Variants in RANBP2 observed in about 807,000 individuals in gnomAD.
RANBP2 encodes the protein E3 SUMO-protein ligase RanBP2.
Under a neutral mutation model 303.6 loss-of-function variants are expected in RANBP2, and 57 were observed. The ratio of observed to expected loss-of-function variants is 0.19; its 90% CI spans 0.15 to 0.23. The LOEUF is 0.23. Ranked by LOEUF, RANBP2 falls within the 10% of genes least tolerant of loss-of-function variation. RANBP2 has a pLI of 1.00. For synonymous variants in RANBP2, 1,167 were observed against 1,301.5 expected, an observed-to-expected ratio of 0.90 and a Z score of 2.23; for missense variants, 3,138 against 3,780.8, an observed-to-expected ratio of 0.83 and a Z score of 4.46.
chr2:109,477,601 A>G, the RANBP2 span, among the ~76,000 whole-genome samples: 1 of 143,078 alleles, frequency 7.0e-6, no homozygotes, highest in African/African-American at 2.6e-5. Context: ...CTGTAACAAA[A>G]TGCCACAGAT....
chr2:109,449,540 G>C, the RANBP2 span: 2 of 1,578,466 alleles, frequency 1.3e-6, no homozygotes, highest in Admixed American at 3.7e-5. Flanking sequence ...GCTGCTTACT[G>C]TAACTTTTTG....
chr2:108,804,882 C>G, the RANBP2 span: 9 of 1,495,168 alleles, frequency 6.0e-6, no homozygotes, highest in East Asian at 2.0e-4. Flanking sequence ...TTTTTTTCTC[C>G]TCCTAGCAGC....
chr2:109,253,571 G>T, the RANBP2 span, among the ~76,000 whole-genome samples: 1 of 152,170 alleles, frequency 6.6e-6, no homozygotes, highest in Non-Finnish European at 1.5e-5. Context: ...CTAAGATGTT[G>T]AGGCAGCAAA....
At chr2:108,810,565 A>C in the RANBP2 span, among the ~76,000 whole-genome samples, 3 of 152,058 alleles carry the variant, frequency 2.0e-5, no homozygotes, top group Non-Finnish European at 2.9e-5. Context: ...TTGGTTTGCT[A>C]ATATTTTGTT....
At chr2:109,427,775 T>C in the RANBP2 span, among the ~76,000 whole-genome samples, 2 of 152,086 alleles carry the variant, frequency 1.3e-5, no homozygotes, top group Non-Finnish European at 2.9e-5. Flanking sequence ...TCCCAGGAAA[T>C]CAGAAGGCCC....
the RANBP2 span, among the ~76,000 whole-genome samples, chr2:109,673,202 G>A: frequency 1.3e-5 from 2 of 152,186 alleles, no homozygotes; most frequent in Non-Finnish European, 2.9e-5. Flanking sequence ...CTAACTCTAT[G>A]TGAACATGAA....
the RANBP2 span, among the ~76,000 whole-genome samples, chr2:109,337,322 G>T: frequency 6.6e-6 from 1 of 152,224 alleles, no homozygotes; most frequent in African/African-American, 2.4e-5. Context: ...TGGGTGCAGG[G>T]TGCATCGGGC....
At chr2:109,059,069 C>A in the RANBP2 span, among the ~76,000 whole-genome samples, 215 of 152,114 alleles carry the variant, frequency 1.4e-3, no homozygotes, top group African/African-American at 5.0e-3. Flanking sequence ...GGCTGACCTG[C>A]CACCTCCGGG....
chr2:109,245,968 C>G, the RANBP2 span, among the ~76,000 whole-genome samples: 1 of 152,194 alleles, frequency 6.6e-6, no homozygotes, highest in African/African-American at 2.4e-5. Context: ...ATGAAAGTCT[C>G]TAAGCTGGCT....
chr2:109,663,565 G>A, the RANBP2 span, among the ~76,000 whole-genome samples: 1 of 152,192 alleles, frequency 6.6e-6, no homozygotes, highest in Non-Finnish European at 1.5e-5. Flanking sequence ...AACTGAAAAG[G>A]AGATCATCAT....
At chr2:109,450,010 G>T in the RANBP2 span, among the ~76,000 whole-genome samples, 4 of 152,122 alleles carry the variant, frequency 2.6e-5, no homozygotes, top group Admixed American at 6.5e-5. Context: ...TGGCTGGTGT[G>T]TTTTTTAGCT....
At chr2:109,394,070 C>T in the RANBP2 span, among the ~76,000 whole-genome samples, 2,141 of 152,202 alleles carry the variant, frequency 0.014, 44 homozygotes, top group African/African-American at 0.048. Context: ...CACCCTCGGA[C>T]GCAGCCACAA....
chr2:108,729,139 T>C lies in RANBP2; in HGVS notation c.80T>C (p.Met27Thr), dbSNP rs1181847894. 4 of 1,572,106 alleles carry C rather than the reference T, an allele frequency of 2.5e-6. No individual in the cohort carries two copies. Among genetic ancestry groups the C allele is most frequent in the Admixed American group, 1.7e-5 (1 of 59,024 alleles). ...ACTTTTAATTTTTTTTAGAAGTCAATGAAAGGATTCTATTTTGCAAAGCTG... is the reference window on the plus strand; with the variant it reads ...ACTTTTAATTTTTTTTAGAAGTCAACGAAAGGATTCTATTTTGCAAAGCTG... ...GSTPSPRQKS[M>T]KGFYFAKLYY... Residue 27 changes from methionine (M) to threonine (T), a missense_variant, in exon 2 of 29, where the codon ATG becomes ACG. Physicochemically the swap from Met to Thr is moderately conservative, Grantham distance 81. Coordinates refer to ENST00000283195, the MANE Select transcript of RANBP2 (RefSeq NM_006267.5).
the RANBP2 span, among the ~76,000 whole-genome samples, chr2:108,809,540 C>T: frequency 2.0e-5 from 3 of 151,766 alleles, no homozygotes; most frequent in African/African-American, 7.3e-5. Context: ...GGAAATCTTT[C>T]ACTTCCTTGG....
the RANBP2 span, among the ~76,000 whole-genome samples, chr2:109,442,277 C>T: frequency 6.7e-6 from 1 of 149,232 alleles, no homozygotes; most frequent in African/African-American, 2.5e-5. Flanking sequence ...TGCCACTGCA[C>T]TCCAGCCTGG....
chr2:109,605,648 A>G, the RANBP2 span: 1 of 152,214 alleles, frequency 6.6e-6, no homozygotes, highest in Non-Finnish European at 1.5e-5. Flanking sequence ...AATCAACAAA[A>G]AAGAAAATAT....
At chr2:108,908,865 C>T in the RANBP2 span, among the ~76,000 whole-genome samples, 6 of 152,256 alleles carry the variant, frequency 3.9e-5, no homozygotes, top group African/African-American at 1.2e-4. Flanking sequence ...ACCCTAGAGA[C>T]AGGGTAATAC....
At chr2:109,614,397 A>G in the RANBP2 span, 5 of 987,716 alleles carry the variant, frequency 5.1e-6, no homozygotes, top group African/African-American at 5.1e-5. Context: ...TGAGCCCGCC[A>G]GACTCCGCCG....
chr2:108,984,303 C>T, the RANBP2 span, among the ~76,000 whole-genome samples: 1 of 152,270 alleles, frequency 6.6e-6, no homozygotes, highest in Admixed American at 6.5e-5. Flanking sequence ...ACCGGCGTGG[C>T]ATGGGATGGG....
Sources: allele counts gnomAD v4.1 joint callset (sites outside exome capture counted in the v4.1 genomes callset), GRCh38; gene constraint gnomAD v4.1.1; transcripts MANE v1.5; gene names NCBI Gene and HGNC (gene_info 2026-07-23, HGNC 2026-07-21).